Variants in TTN observed in about 807,000 individuals in gnomAD.
TTN encodes titin.
TTN carries 1,525 observed loss-of-function variants against 3,223.0 expected under a neutral mutation model. The ratio of observed to expected loss-of-function variants is 0.47; its 90% CI spans 0.45 to 0.49. The LOEUF is 0.49. Ranked by LOEUF, TTN falls within the 20% of genes least tolerant of loss-of-function variation. The probability of loss-of-function intolerance (pLI) is 0.00; values close to 1 mark genes in which losing one functional copy is unlikely to be tolerated. For missense variants in TTN, 40,786 were observed against 43,424.0 expected (o/e 0.94, Z 5.40); for synonymous variants, 14,094 against 15,161.0 (o/e 0.93, Z 5.17).
rs1031134000 is a variant in TTN at position 178,725,631 on chromosome 2, G to A, written c.20573C>T (p.Ser6858Phe). The A allele has an allele frequency of 5.7e-6, 9 of 1,587,416 alleles. No individual in the cohort carries two copies. Among genetic ancestry groups the A allele is most frequent in the Non-Finnish European group, 6.9e-6 (8 of 1,165,622 alleles). ...VKLKEPPRFV[S>F]KLNSLTVVAG... Reference sequence around the variant, plus strand: ...TACAACAGTGAGGCTGTTCAGTTTGGAGACAAATCTTGGTGGTTCTGAACA... The same window carrying A: ...TACAACAGTGAGGCTGTTCAGTTTGAAGACAAATCTTGGTGGTTCTGAACA... The change falls in exon 71 of 363, where the codon TCC (serine) becomes TTC (phenylalanine). Residue 6858 changes from serine to phenylalanine, a missense_variant. Transcript: ENST00000589042.
intron 125 of TTN, 60 bp downstream of exon 125, chr2:178,688,993 A>T: frequency 6.6e-7 from 1 of 1,510,500 alleles, no homozygotes; most frequent in Non-Finnish European, 9.1e-7. Flanking sequence ...AGAATTTAAC[A>T]CACTCGAAGA....
At chr2:178,708,192 T>G (rs1254715979) in intron 99 of TTN, among the ~76,000 whole-genome samples, 1 of 152,124 alleles carries the variant, frequency 6.6e-6, no homozygotes, top group Non-Finnish European at 1.5e-5. Context: ...AGGGCTTATT[T>G]GGGAATTCTG....
Position 178,616,316 on chromosome 2 carries a change from C to T in TTN, c.48312+163G>A, listed in dbSNP as rs371233587. ...TATACAATCCTTGGTTGAGCTACCT[C>T]AGGAAGCATTAGCACCGATGCATTC... On this transcript the variant is annotated intron_variant, in intron 257 of 362. Coordinates refer to ENST00000589042, the MANE Select transcript of TTN (RefSeq NM_001267550.2). 1.7e-4 allele frequency among the ~76,000 whole-genome samples: 26 copies of T among 151,910 alleles called. No individual in the cohort carries two copies. The South Asian group carries it at 3.9e-3, about 23-fold the overall frequency.
chr2:178,593,130 A>T (rs2050599483), intron 299 of TTN, 43 bp downstream of exon 299: 2 of 1,610,034 alleles, frequency 1.2e-6, no homozygotes, highest in South Asian at 1.1e-5. Context: ...CTGAAAACAA[A>T]GTTAGATAAC....
In TTN at chr2:178,591,911, A is replaced by T. The variant is rs772730956; in HGVS notation, c.59927-19T>A. ...GGGGGATCTTTTCAAAGAAGAAGTT[A>T]TGATGAAAAAGTAATATTCTTAAAG... On this transcript the variant is annotated intron_variant, in intron 302 of 362. Coordinates refer to ENST00000589042, the MANE Select transcript of TTN (RefSeq NM_001267550.2). The T allele has an allele frequency of 1.6e-5, 26 of 1,605,398 alleles. No homozygotes were observed. The highest frequency in any genetic ancestry group is 2.1e-5 in the Non-Finnish European group (25 of 1,177,646).
In TTN at chr2:178,571,009, A is replaced by T. The variant is rs753526510; in HGVS notation, c.75123T>A (p.Tyr25041Ter). Residue 25041 changes from tyrosine to a stop codon, truncating the protein, a stop_gained, in exon 326 of 363, where the codon TAT becomes TAA. Transcript: ENST00000589042. LOFTEE classifies it high-confidence loss of function. ...TYDGGSKITG[Y>*]IVEKKELPEG... ...CAGGTAATTCTTTCTTCTCAACAAT[A>T]TAACCAGTGATCTTGCTTCCACCGT... The T allele has an allele frequency of 6.2e-7, 1 of 1,612,798 alleles. No homozygotes were observed. The highest frequency in any genetic ancestry group is 1.3e-5 in the African/African-American group (1 of 74,832).
At chr2:178,767,041 A>C (rs925646299) in intron 40 of TTN, among the ~76,000 whole-genome samples, 1 of 152,186 alleles carries the variant, frequency 6.6e-6, no homozygotes, top group East Asian at 1.9e-4. Flanking sequence ...GAGTGAGAAC[A>C]CTGAGGTTCA....
Position 178,740,115 on chromosome 2 carries a change from T to G in TTN, c.13118A>C (p.Gln4373Pro). The G allele has an allele frequency of 6.2e-7, 1 of 1,613,894 alleles. No homozygotes were observed. The highest frequency in any genetic ancestry group is 8.5e-7 in the Non-Finnish European group (1 of 1,179,840). ...PVAIKKVQEV[Q>P]GRDLLSKESL... The stretch of plus-strand genomic sequence containing the variant: ...TTCCTTAGAAAGAAGGTCCCTTCCC[T>G]GTACCTCCTGCACTTTCTTTATTGC... Residue 4373 changes from glutamine to proline, a missense_variant, in exon 48 of 363, where the codon CAG becomes CCG. Coordinates refer to ENST00000589042, the MANE Select transcript of TTN (RefSeq NM_001267550.2).
At chr2:178,793,619 A>G (rs766698832) in intron 8 of TTN, 78 bp from the exon 9 acceptor site, 121 of 1,593,714 alleles carry the variant, frequency 7.6e-5, no homozygotes, top group Non-Finnish European at 9.3e-5. Flanking sequence ...CCTCGCCAAC[A>G]TGGTGAAATC....
intron 155 of TTN, among the ~76,000 whole-genome samples, chr2:178,671,743 A>G (rs1365965126): frequency 6.6e-6 from 1 of 151,732 alleles, no homozygotes; most frequent in Non-Finnish European, 1.5e-5. Context: ...TAATCCCCAA[A>G]TTCATACAGT....
Position 178,632,155 on chromosome 2 carries a change from G to C in TTN, c.43739C>G (p.Thr14580Ser). ...ATTTAAAAAGCACTTACCAAGCACA[G>C]TGAGTTTAGCTTCTGAACTCATCCC... is the stretch of plus-strand genomic sequence containing the variant. ...AMGMSSEAKL[T>S]VLEGDPYFTG... Residue 14580 changes from threonine (T) to serine (S), a missense_variant, in exon 236 of 363, where the codon ACT becomes AGT. By Grantham distance (58) the Thr-to-Ser change is moderately conservative. Coordinates refer to ENST00000589042, the MANE Select transcript of TTN (RefSeq NM_001267550.2). 1 of 1,594,890 alleles carries C rather than the reference G, an allele frequency of 6.3e-7. No individual in the cohort carries two copies. Among genetic ancestry groups the C allele is most frequent in the Non-Finnish European group, 8.5e-7 (1 of 1,170,350 alleles).
At position 178,531,360 on chromosome 2, in the gene TTN, C is replaced by A; in HGVS notation, c.105255G>T (p.Gln35085His). ...ASSSVREVKS[Q>H]MTETRESLSS... ...AGAGACTTTCCCTTGTCTCCGTCAT[C>A]TGTGATTTCACTTCCCTGACAGAAG... The change falls in exon 358 of 363, where the codon CAG (glutamine) becomes CAT (histidine). Residue 35085 changes from glutamine to histidine, a missense_variant. Gln to His is a conservative substitution (Grantham distance 24). Coordinates refer to ENST00000589042, the MANE Select transcript of TTN (RefSeq NM_001267550.2). 1 of 1,614,066 alleles carries A rather than the reference C, an allele frequency of 6.2e-7. No individual in the cohort carries two copies. Among genetic ancestry groups the A allele is most frequent in the Non-Finnish European group, 8.5e-7 (1 of 1,179,904 alleles).
At chr2:178,595,984 CTT>C (rs762808998) in intron 294 of TTN, among the ~76,000 whole-genome samples, 175 bp from the exon 295 acceptor site, 2 of 114,508 alleles carry the variant, frequency 1.7e-5, no homozygotes, top group African/African-American at 7.0e-5. Flanking sequence ...CAGTCAACCA[CTT>C]TTTTTTTTTT....
rs756706802 is a variant in TTN at position 178,615,444 on chromosome 2, T to A, written c.48501A>T (p.Arg16167=). 38 of 1,612,354 alleles carry A rather than the reference T, an allele frequency of 2.4e-5. 1 individual carries two copies. The South Asian group carries it at 3.7e-4, about 16-fold the overall frequency. ...DPPENVKWRD[R]TANSIFLTWD... is the part of the protein sequence containing the mutation. The stretch of plus-strand genomic sequence containing the variant: ...ATGTTAAGAAGATGCTATTGGCTGT[T>A]CGATCTCTCCATTTAACATTCTCTG... Residue 16167 remains arginine, a synonymous_variant, in exon 259 of 363, where the codon CGA becomes CGT. Coordinates refer to ENST00000589042, the MANE Select transcript of TTN (RefSeq NM_001267550.2).
intron 6 of TTN, among the ~76,000 whole-genome samples, chr2:178,795,723 AT>A (rs55978029): frequency 0.062 from 9,101 of 146,462 alleles, 372 homozygotes; most frequent in Admixed American, 0.15. Context: ...AGCTTAAGCC[AT>A]TTTTTTTTTT....
chr2:178,699,929 G>A (rs1446675183), intron 111 of TTN, among the ~76,000 whole-genome samples: 3 of 133,338 alleles, frequency 2.2e-5, no homozygotes, highest in Admixed American at 7.6e-5. Flanking sequence ...CGGTTTCATC[G>A]TGGTCTCGAT....
rs746067385 is a variant in TTN at position 178,554,178 on chromosome 2, T to A, written c.88933A>T (p.Ile29645Phe). ...GPPGIPEVTK[I>F]TKNSMTVVWS... ...ACAACAGTCATCGAATTCTTGGTAA[T>A]CTTTGTCACTTCTGGTATGCCTGGT... The change falls in exon 333 of 363, where the codon ATT (isoleucine) becomes TTT (phenylalanine). Residue 29645 changes from isoleucine (I) to phenylalanine (F), a missense_variant. Coordinates refer to ENST00000589042, the MANE Select transcript of TTN (RefSeq NM_001267550.2). The A allele has an allele frequency of 6.8e-6, 11 of 1,609,370 alleles. No individual in the cohort carries two copies. Among genetic ancestry groups the A allele is most frequent in the Non-Finnish European group, 8.5e-6 (10 of 1,178,246 alleles).
intron 47 of TTN, chr2:178,745,939 T>C: frequency 1.9e-6 from 3 of 1,609,630 alleles, no homozygotes; most frequent in Non-Finnish European, 2.5e-6. Flanking sequence ...TTAAACTGCT[T>C]AAAGTCACTT....
chr2:178,785,180 T>C (rs574510064), intron 15 of TTN, among the ~76,000 whole-genome samples: 1 of 150,528 alleles, frequency 6.6e-6, no homozygotes, highest in Non-Finnish European at 1.5e-5. Flanking sequence ...TCTTGCTATA[T>C]TGAGTATATA....
Sources: gnomAD v4.1 joint callset for allele counts (sites outside exome capture counted in the v4.1 genomes callset) on GRCh38, gnomAD v4.1.1 for gene constraint, MANE v1.5 for transcripts, NCBI Gene and HGNC (gene_info 2026-07-23, HGNC 2026-07-21) for gene names.